USP12: variants seen among roughly 807,000 people sequenced by gnomAD.
The protein encoded by USP12 is ubiquitin specific peptidase 12.
In USP12, 19 loss-of-function variants were observed where a neutral mutation model predicts 45.5. That is an observed-to-expected ratio of 0.42 (90% CI 0.29 to 0.61). USP12 has a LOEUF of 0.61. Among genes scored for constraint, USP12 ranks in the 20% least tolerant of loss-of-function variants. USP12 has a pLI of 0.22. For missense variants in USP12, 242 were observed against 447.7 expected, an observed-to-expected ratio of 0.54 and a Z score of 4.15; for synonymous variants, 149 against 148.8, an observed-to-expected ratio of 1.00 and a Z score of -0.01.
chr13:27,138,518 G>C (rs1424270214), intron 1 of USP12, among the ~76,000 whole-genome samples: 1 of 152,120 alleles, frequency 6.6e-6, no homozygotes, highest in East Asian at 1.9e-4. Flanking sequence ...ACATGCCTCA[G>C]ACTTTCTTAG....
rs187027619 is a variant in USP12 at position 27,167,132 on chromosome 13, C to A, written c.48+4460G>T. ...CAAAAATTAGCTGGGCGTGGTGGCA[C>A]ATGCCTGTAATCCCAGCTACTCGGG... On this transcript the variant is annotated intron_variant, in intron 1 of 8. Coordinates refer to ENST00000282344, the MANE Select transcript of USP12 (RefSeq NM_182488.4). Among the ~76,000 whole-genome samples the A allele has an allele frequency of 8.4e-3, 1,285 of 152,204 alleles. 12 individuals are homozygous for A. The highest frequency in any genetic ancestry group is 0.024 in the Middle Eastern group (7 of 294).
chr13:27,165,962 T>C (rs1442552853), intron 1 of USP12, among the ~76,000 whole-genome samples: 1 of 151,974 alleles, frequency 6.6e-6, no homozygotes, highest in Non-Finnish European at 1.5e-5. Context: ...GCTCCTAAAA[T>C]GATGAAAATG....
intron 1 of USP12, among the ~76,000 whole-genome samples, chr13:27,123,713 C>G (rs948366833): frequency 8.5e-5 from 13 of 152,254 alleles, no homozygotes; most frequent in Non-Finnish European, 7.3e-5. Flanking sequence ...GTAAGACATG[C>G]CTTTGCTGAT....
At chr13:27,075,587 C>G (rs898062511) in intron 6 of USP12, among the ~76,000 whole-genome samples, 199 bp from the exon 7 acceptor site, 1 of 152,186 alleles carries the variant, frequency 6.6e-6, no homozygotes, top group African/African-American at 2.4e-5. Flanking sequence ...TGACCCCACC[C>G]TACCCATCAT....
At chr13:27,080,261 C>T (rs986721348) in intron 6 of USP12, among the ~76,000 whole-genome samples, 3 of 152,206 alleles carry the variant, frequency 2.0e-5, no homozygotes, top group Admixed American at 6.6e-5. Context: ...GTTGCAGATG[C>T]TGACTACAGC....
intron 1 of USP12, among the ~76,000 whole-genome samples, chr13:27,144,440 A>C (rs2137824112): frequency 6.7e-6 from 1 of 148,728 alleles, no homozygotes; most frequent in East Asian, 2.0e-4. Flanking sequence ...GACTGCAGTG[A>C]GCTATTAATA....
In USP12 at chr13:27,171,667, A is replaced by T. The variant is rs909465649; in HGVS notation, c.-28T>A. 4 of 1,183,524 alleles carry T rather than the reference A, an allele frequency of 3.4e-6. No homozygotes were observed. Among genetic ancestry groups the T allele is most frequent in the African/African-American group, 3.3e-5 (2 of 60,304 alleles). 73.3% of individuals were successfully genotyped at this position (1,183,524 alleles called of 1,614,324 possible). A position where few individuals can be genotyped will look rare whatever the true frequency, so the allele number is the denominator to read the frequency against. ...GGCCAGCGCCATCTTCCACCCAATC[A>T]CAGCGGCGGCGGCGGGCGGGGGAGG... On this transcript the variant is annotated 5_prime_UTR_variant, in exon 1 of 9. Transcript: ENST00000282344.
rs1224641894 is a variant in USP12 at position 27,095,753 on chromosome 13, G to C, written c.421C>G (p.Gln141Glu). 1 of 1,612,526 alleles carries C rather than the reference G, an allele frequency of 6.2e-7. No individual in the cohort carries two copies. Among genetic ancestry groups the C allele is most frequent in the African/African-American group, 1.3e-5 (1 of 74,836 alleles). Residue 141 changes from glutamine (Q) to glutamate (E), a missense_variant, in exon 4 of 9, where the codon CAA becomes GAA. Coordinates refer to ENST00000282344, the MANE Select transcript of USP12 (RefSeq NM_182488.4). ...TGTTTTTCCTGCTTTCTCTCTTCTT[G>C]TAAAATATCAGCAATTGTATTTAGT... is the stretch of plus-strand genomic sequence containing the variant. ...YLLNTIADIL[Q>E]EERKQEKQNG...
At chr13:27,101,907 C>T (rs113812964) in intron 3 of USP12, among the ~76,000 whole-genome samples, 18 of 152,278 alleles carry the variant, frequency 1.2e-4, no homozygotes, top group African/African-American at 3.4e-4. Flanking sequence ...GCACATGAAA[C>T]GCTGCTTGTC....
intron 1 of USP12, among the ~76,000 whole-genome samples, chr13:27,136,884 T>TA (rs1435237977): frequency 6.6e-6 from 1 of 151,974 alleles, no homozygotes; most frequent in Non-Finnish European, 1.5e-5. Context: ...TTAGAGGGAG[T>TA]AAAAAAGACA....
chr13:27,079,436 C>A (rs1457975529), intron 6 of USP12, among the ~76,000 whole-genome samples: 1 of 152,158 alleles, frequency 6.6e-6, no homozygotes, highest in East Asian at 1.9e-4. Context: ...TCCAGAAACT[C>A]CCTTCTCCAG....
rs550852440 is a variant in USP12 at position 27,170,602 on chromosome 13, A to C, written c.48+990T>G. 3.2e-3 allele frequency among the ~76,000 whole-genome samples: 485 copies of C among 152,344 alleles called. 1 individual carries two copies. Among genetic ancestry groups the C allele is most frequent in the Non-Finnish European group, 4.3e-3 (292 of 68,028 alleles). On this transcript the variant is annotated intron_variant, in intron 1 of 8. Coordinates refer to ENST00000282344, the MANE Select transcript of USP12 (RefSeq NM_182488.4). Reference sequence around the variant, plus strand: ...CTGTGGTCCTTCTGGCCACGCACAAAACACCAAGTTTTAAACGCGCCCACG... The same window carrying C: ...CTGTGGTCCTTCTGGCCACGCACAACACACCAAGTTTTAAACGCGCCCACG...
At chr13:27,123,472 A>G (rs1000194748) in intron 1 of USP12, among the ~76,000 whole-genome samples, 1 of 152,232 alleles carries the variant, frequency 6.6e-6, no homozygotes, top group Non-Finnish European at 1.5e-5. Context: ...ATAGCCATCC[A>G]ATACTAAGAA....
intron 3 of USP12, among the ~76,000 whole-genome samples, chr13:27,097,000 T>TA (rs1452210354): frequency 6.6e-6 from 1 of 152,014 alleles, no homozygotes; most frequent in East Asian, 1.9e-4. Context: ...AAAAAAGTTT[T>TA]AAAAAAAGTG....
intron 1 of USP12, among the ~76,000 whole-genome samples, chr13:27,157,190 G>A (rs1877880379): frequency 6.6e-6 from 1 of 152,138 alleles, no homozygotes; most frequent in African/African-American, 2.4e-5. Context: ...TTTCACTAAT[G>A]TGGTAATCAT....
chr13:27,075,238 A>G lies in USP12; in HGVS notation c.885T>C (p.Asn295=). ...CAACAAGGTCGTACATTCTGTCTGG[A>G]TTGGTGGCATCACCTGAAGTGTTAA... ...RLFNTSGDAT[N]PDRMYDLVAV... The change falls in exon 7 of 9, where the codon AAT becomes AAC. Residue 295 remains asparagine, a synonymous_variant. Coordinates refer to ENST00000282344, the MANE Select transcript of USP12 (RefSeq NM_182488.4). 6.2e-7 allele frequency: 1 copy of G among 1,613,968 alleles called. No homozygotes were observed. The highest frequency in any genetic ancestry group is 8.5e-7 in the Non-Finnish European group (1 of 1,179,862).
intron 8 of USP12, 38 bp downstream of exon 8, chr13:27,071,033 T>C: frequency 6.4e-7 from 1 of 1,553,218 alleles, no homozygotes; most frequent in Non-Finnish European, 8.8e-7. Flanking sequence ...AACATATGCA[T>C]ACAACTTTCA....
At chr13:27,070,554 A>C (rs1029597369) in intron 8 of USP12, among the ~76,000 whole-genome samples, 2 of 138,866 alleles carry the variant, frequency 1.4e-5, no homozygotes, top group Non-Finnish European at 3.2e-5. Context: ...CCCTTGTTTT[A>C]TTCTTTTTTT....
At chr13:27,147,978 A>C (rs1412126027) in intron 1 of USP12, among the ~76,000 whole-genome samples, 2 of 152,038 alleles carry the variant, frequency 1.3e-5, no homozygotes, top group Non-Finnish European at 2.9e-5. Context: ...AAATTTAAAA[A>C]TTAGCCAGGC....
Sources: allele counts gnomAD v4.1 joint callset (sites outside exome capture counted in the v4.1 genomes callset), GRCh38; gene constraint gnomAD v4.1.1; transcripts MANE v1.5; gene names NCBI Gene and HGNC (gene_info 2026-07-23, HGNC 2026-07-21).